Variants in PTPRT observed in about 807,000 individuals in gnomAD.
PTPRT encodes the protein protein tyrosine phosphatase receptor type T.
In PTPRT, 56 loss-of-function variants were observed where a neutral mutation model predicts 176.8. The observed-to-expected ratio is 0.32, with a 90% CI of 0.26 to 0.40. PTPRT has a LOEUF of 0.40. Ranked by LOEUF, PTPRT falls within the 10% of genes least tolerant of loss-of-function variation. The pLI is 1.00. For synonymous variants in PTPRT, 783 were observed against 739.0 expected (o/e 1.06, Z -0.96); for missense variants, 1,540 against 1,908.2 (o/e 0.81, Z 3.60).
intron 2 of PTPRT, among the ~76,000 whole-genome samples, chr20:42,863,155 G>A (rs1417091857): frequency 6.6e-6 from 1 of 152,206 alleles, no homozygotes; most frequent in Non-Finnish European, 1.5e-5. Flanking sequence ...GAAATCCCGT[G>A]CTCTCCTCAT....
At chr20:42,287,804 T>C (rs553557074) in intron 12 of PTPRT, among the ~76,000 whole-genome samples, 13 of 152,078 alleles carry the variant, frequency 8.5e-5, no homozygotes, top group African/African-American at 2.9e-4. Context: ...ATTCATTATA[T>C]GTCTCAAAAC....
At chr20:43,047,214 G>T (rs1011677058) in intron 1 of PTPRT, among the ~76,000 whole-genome samples, 3 of 152,184 alleles carry the variant, frequency 2.0e-5, no homozygotes, top group African/African-American at 7.2e-5. Context: ...TGCTGCGCTT[G>T]AGCTCAGCAA....
At chr20:42,580,766 C>T (rs950256103) in intron 7 of PTPRT, among the ~76,000 whole-genome samples, 3 of 152,162 alleles carry the variant, frequency 2.0e-5, no homozygotes, top group Admixed American at 2.0e-4. Flanking sequence ...TATCCTGAGA[C>T]TTTGCTGAAG....
chr20:42,703,539 T>TA (rs2076006173), intron 6 of PTPRT, among the ~76,000 whole-genome samples: 2 of 151,916 alleles, frequency 1.3e-5, no homozygotes, highest in African/African-American at 2.4e-5. Context: ...CCCAGCAACA[T>TA]AGAGTTCTCA....
chr20:42,118,293 T>G, intron 21 of PTPRT, 110 bp downstream of exon 21: 1 of 866,928 alleles, frequency 1.2e-6, no homozygotes, highest in South Asian at 2.0e-5. Context: ...TAGGTTGCCG[T>G]GAGGGTGAAA....
At chr20:42,476,275 G>GA (rs2071287622) in intron 7 of PTPRT, among the ~76,000 whole-genome samples, 1 of 152,154 alleles carries the variant, frequency 6.6e-6, no homozygotes, top group Non-Finnish European at 1.5e-5. Context: ...CAGTGGAAGA[G>GA]AAAAAATAAA....
intron 1 of PTPRT, among the ~76,000 whole-genome samples, chr20:43,168,889 C>T (rs1381458194): frequency 1.3e-5 from 2 of 152,220 alleles, no homozygotes; most frequent in East Asian, 1.9e-4. Flanking sequence ...ATTCAATGTA[C>T]TACTCCAAAT....
At chr20:42,717,125 A>G (rs959445984) in intron 6 of PTPRT, among the ~76,000 whole-genome samples, 6 of 151,940 alleles carry the variant, frequency 3.9e-5, no homozygotes, top group Admixed American at 3.3e-4. Flanking sequence ...AACATGGCAC[A>G]TGTATACATA....
chr20:42,415,650 G>T (rs748715274), intron 9 of PTPRT, among the ~76,000 whole-genome samples: 2 of 152,132 alleles, frequency 1.3e-5, no homozygotes, highest in Non-Finnish European at 2.9e-5. Context: ...CATAGGACTT[G>T]GCATTTAGGA....
chr20:42,830,111 T>A (rs1488751799), intron 2 of PTPRT, among the ~76,000 whole-genome samples: 2 of 152,006 alleles, frequency 1.3e-5, no homozygotes, highest in African/African-American at 4.8e-5. Context: ...GCCAACATCA[T>A]CCTGATACAA....
intron 1 of PTPRT, among the ~76,000 whole-genome samples, chr20:43,096,097 TCTCTCTCTCCCCATCTCTC>T (rs1344385882): frequency 7.1e-6 from 1 of 141,604 alleles, no homozygotes; most frequent in African/African-American, 2.7e-5. Flanking sequence ...TCTCTTTCCC[TCTCTCTCTCCCCATCTCTC>T]CTCTCTCTCC....
At chr20:43,147,999 C>T (rs1328998388) in intron 1 of PTPRT, among the ~76,000 whole-genome samples, 1 of 152,066 alleles carries the variant, frequency 6.6e-6, no homozygotes, top group Non-Finnish European at 1.5e-5. Context: ...TTTAAATCTA[C>T]CCAAGACCTC....
intron 1 of PTPRT, among the ~76,000 whole-genome samples, chr20:42,923,673 G>A (rs759231824): frequency 2.3e-4 from 35 of 152,174 alleles, no homozygotes; most frequent in Non-Finnish European, 4.4e-4. Context: ...GTCACACAAT[G>A]AGGATCTGAA....
At chr20:43,015,859 T>G (rs563159002) in intron 1 of PTPRT, among the ~76,000 whole-genome samples, 2 of 147,282 alleles carry the variant, frequency 1.4e-5, no homozygotes, top group African/African-American at 5.1e-5. Context: ...TTTGCAGATA[T>G]AAACATAAGA....
intron 11 of PTPRT, among the ~76,000 whole-genome samples, chr20:42,341,471 G>A (rs906206603): frequency 6.6e-6 from 1 of 152,074 alleles, no homozygotes; most frequent in Non-Finnish European, 1.5e-5. Flanking sequence ...TGTTTTAAAA[G>A]AAAAGAAAAG....
chr20:42,640,835 C>G (rs2074729942), intron 7 of PTPRT, among the ~76,000 whole-genome samples: 2 of 152,132 alleles, frequency 1.3e-5, no homozygotes, highest in Non-Finnish European at 2.9e-5. Context: ...CTGGAAACCA[C>G]CCTTACTCCA....
At chr20:43,103,924 A>T (rs2012494888) in intron 1 of PTPRT, among the ~76,000 whole-genome samples, 2 of 152,186 alleles carry the variant, frequency 1.3e-5, no homozygotes, top group African/African-American at 4.8e-5. Context: ...TCTCTCATCT[A>T]ATATCCTGTG....
chr20:42,237,589 T>A (rs187307596), intron 14 of PTPRT, among the ~76,000 whole-genome samples: 1 of 152,358 alleles, frequency 6.6e-6, no homozygotes, highest in Admixed American at 6.5e-5. Context: ...ATTTAAGATA[T>A]CATATGGCTG....
intron 1 of PTPRT, among the ~76,000 whole-genome samples, chr20:42,960,774 T>A (rs1406833938): frequency 6.6e-6 from 1 of 152,068 alleles, no homozygotes; most frequent in African/African-American, 2.4e-5. Flanking sequence ...GATACAACGA[T>A]GTCATAAACA....
Sources: gnomAD v4.1 joint callset for allele counts (sites outside exome capture counted in the v4.1 genomes callset) on GRCh38, gnomAD v4.1.1 for gene constraint, MANE v1.5 for transcripts, NCBI Gene and HGNC (gene_info 2026-07-23, HGNC 2026-07-21) for gene names.